The following APBB1IP variants were observed in gnomAD, a reference collection of about 807,000 sequenced individuals.
APBB1IP encodes the protein amyloid beta precursor protein binding family B member 1 interacting protein.
A neutral mutation model predicts 64.9 loss-of-function variants in APBB1IP; 27 were observed. The observed-to-expected ratio is 0.42, with a 90% confidence interval of 0.31 to 0.57. The LOEUF (loss-of-function observed/expected upper bound fraction) is 0.57, where lower values mean the gene tolerates loss of function less well. APBB1IP is among the 20% of genes least tolerant of loss of function. The pLI, the probability that APBB1IP is intolerant of heterozygous loss-of-function variation, is 0.20. For synonymous variants in APBB1IP, 392 were observed against 331.0 expected (o/e 1.18, Z -2.00); for missense variants, 812 against 845.5 (o/e 0.96, Z 0.49).
At chr10:26,563,691 A>G (rs973791043) in intron 14 of APBB1IP, among the ~76,000 whole-genome samples, 1 of 152,230 alleles carries the variant, frequency 6.6e-6, no homozygotes, top group Non-Finnish European at 1.5e-5. Context: ...CCCAGCTAGG[A>G]CAGGCAGGGT....
intron 8 of APBB1IP, among the ~76,000 whole-genome samples, chr10:26,514,344 G>A (rs1236433334): frequency 6.6e-6 from 1 of 151,946 alleles, no homozygotes; most frequent in African/African-American, 2.4e-5. Context: ...TCTTTTCTTT[G>A]TTGTTTGTAT....
intron 2 of APBB1IP, among the ~76,000 whole-genome samples, chr10:26,458,709 A>G (rs903266519): frequency 2.6e-5 from 4 of 152,068 alleles, no homozygotes; most frequent in Admixed American, 2.6e-4. Context: ...TTAAGGCCAT[A>G]TTTCACTTCA....
chr10:26,463,230 G>A (rs1355561877), intron 2 of APBB1IP, among the ~76,000 whole-genome samples: 1 of 152,124 alleles, frequency 6.6e-6, no homozygotes, highest in East Asian at 1.9e-4. Context: ...TTGGTGCTAG[G>A]AGTTCAAGAC....
chr10:26,558,230 C>A (rs1454396386), intron 11 of APBB1IP, among the ~76,000 whole-genome samples: 2 of 151,980 alleles, frequency 1.3e-5, no homozygotes, highest in Admixed American at 1.3e-4. Flanking sequence ...CTTATAATGA[C>A]CCATGAAAAT....
At chr10:26,483,716 A>G (rs539759623) in intron 2 of APBB1IP, among the ~76,000 whole-genome samples, 3 of 151,890 alleles carry the variant, frequency 2.0e-5, no homozygotes, top group Non-Finnish European at 4.4e-5. Flanking sequence ...TCATTTTTTT[A>G]TCATTATTTA....
At chr10:26,534,832 T>C (rs1251945467) in intron 9 of APBB1IP, among the ~76,000 whole-genome samples, 1 of 152,208 alleles carries the variant, frequency 6.6e-6, no homozygotes, top group Admixed American at 6.5e-5. Flanking sequence ...ATTCAAAGCA[T>C]GCTATGCTAT....
intron 8 of APBB1IP, among the ~76,000 whole-genome samples, chr10:26,521,645 C>T (rs904823289): frequency 6.6e-6 from 1 of 152,186 alleles, no homozygotes; most frequent in African/African-American, 2.4e-5. Context: ...GGATCTCAAA[C>T]TCTGTGCTTG....
chr10:26,476,446 C>CAA (rs58548133), intron 2 of APBB1IP, among the ~76,000 whole-genome samples: 13,002 of 78,138 alleles, frequency 0.17, 1,416 homozygotes, highest in Middle Eastern at 0.26. Context: ...GACCCTGTCT[C>CAA]AAAAAAAAAA....
intron 6 of APBB1IP, among the ~76,000 whole-genome samples, chr10:26,506,082 G>C (rs1275567233): frequency 6.6e-6 from 1 of 152,140 alleles, no homozygotes; most frequent in Non-Finnish European, 1.5e-5. Context: ...CAGGTCCTCT[G>C]CCTCTTCCCT....
intron 2 of APBB1IP, among the ~76,000 whole-genome samples, chr10:26,489,275 A>C (rs1835928360): frequency 6.6e-6 from 1 of 152,228 alleles, no homozygotes; most frequent in African/African-American, 2.4e-5. Context: ...ACGGCAAAAG[A>C]AAAGTCACTG....
At chr10:26,454,490 A>T (rs369406930) in intron 2 of APBB1IP, among the ~76,000 whole-genome samples, 1 of 152,078 alleles carries the variant, frequency 6.6e-6, no homozygotes, top group Non-Finnish European at 1.5e-5. Context: ...TGTCTCGAAA[A>T]AAATAAATAA....
chr10:26,535,253 C>T (rs544799931), intron 9 of APBB1IP, among the ~76,000 whole-genome samples: 3 of 152,006 alleles, frequency 2.0e-5, no homozygotes, highest in South Asian at 4.2e-4. Flanking sequence ...TGCCTTCTTC[C>T]TTCTTTGAAA....
At chr10:26,485,488 A>G (rs773955739) in intron 2 of APBB1IP, among the ~76,000 whole-genome samples, 19 of 152,202 alleles carry the variant, frequency 1.2e-4, no homozygotes, top group Non-Finnish European at 1.8e-4. Context: ...ACAAACATCA[A>G]CAAGATCTGA....
chr10:26,448,982 C>T (rs1044200007), intron 2 of APBB1IP, among the ~76,000 whole-genome samples: 19 of 152,246 alleles, frequency 1.2e-4, no homozygotes, highest in Middle Eastern at 3.4e-3. Flanking sequence ...CTCTTTGTGG[C>T]GGTTCTCAGC....
intron 6 of APBB1IP, among the ~76,000 whole-genome samples, chr10:26,504,948 G>A (rs1836156155): frequency 6.6e-6 from 1 of 151,880 alleles, no homozygotes; most frequent in Non-Finnish European, 1.5e-5. Flanking sequence ...TAGAGTTGAG[G>A]CCTCCCTATG....
intron 14 of APBB1IP, among the ~76,000 whole-genome samples, chr10:26,564,451 T>C (rs1361445657): frequency 6.6e-6 from 1 of 152,204 alleles, no homozygotes; most frequent in Non-Finnish European, 1.5e-5. Context: ...CGAGTCATAA[T>C]GAGGACTATG....
chr10:26,560,200 C>A lies in APBB1IP; in HGVS notation c.1251C>A (p.Ala417=). 2 of 1,613,766 alleles carry A rather than the reference C, an allele frequency of 1.2e-6. No individual in the cohort carries two copies. Among genetic ancestry groups the A allele is most frequent in the Non-Finnish European group, 1.7e-6 (2 of 1,179,694 alleles). Residue 417 remains alanine (A), a synonymous_variant, in exon 12 of 15, where the codon GCC becomes GCA. Coordinates refer to ENST00000376236, the MANE Select transcript of APBB1IP (RefSeq NM_019043.4). ...AGTGGGTCATGGGAATACGGATAGC[C>A]AAGGTGAGAGAGCGTTCGGACTTCA... is the stretch of plus-strand genomic sequence containing the variant. The part of the protein sequence containing the change: ...LNQWVMGIRI[A]KYGKTLYDNY...
intron 2 of APBB1IP, among the ~76,000 whole-genome samples, chr10:26,487,297 C>T (rs1048335660): frequency 1.3e-5 from 2 of 151,468 alleles, no homozygotes; most frequent in East Asian, 1.9e-4. Flanking sequence ...TATTTTCTTA[C>T]GCTTGTGTGT....
intron 11 of APBB1IP, among the ~76,000 whole-genome samples, chr10:26,548,040 T>C (rs940343310): frequency 1.3e-5 from 2 of 152,232 alleles, no homozygotes; most frequent in African/African-American, 2.4e-5. Flanking sequence ...CACACTGCTA[T>C]AGATTTGTAG....
Sources: gnomAD v4.1 joint callset for allele counts (sites outside exome capture counted in the v4.1 genomes callset) on GRCh38, gnomAD v4.1.1 for gene constraint, MANE v1.5 for transcripts, NCBI Gene and HGNC (gene_info 2026-07-23, HGNC 2026-07-21) for gene names.